Variants in CAST observed in about 807,000 individuals in gnomAD.
CAST encodes the protein calpastatin.
In CAST, 76 loss-of-function variants were observed where a neutral mutation model predicts 119.6. The ratio of observed to expected loss-of-function variants is 0.64; its 90% confidence interval spans 0.53 to 0.77. The LOEUF (loss-of-function observed/expected upper bound fraction) is 0.77. CAST is among the 30% of genes least tolerant of loss of function. The pLI, the probability that CAST is intolerant of heterozygous loss-of-function variation, is 0.00. For synonymous variants in CAST, 319 were observed against 331.6 expected (o/e 0.96, Z 0.41); for missense variants, 953 against 946.5 (o/e 1.01, Z -0.09).
intron 1 of CAST, among the ~76,000 whole-genome samples, chr5:96,609,308 A>T (rs1747317604): frequency 6.6e-6 from 1 of 152,236 alleles, no homozygotes; most frequent in African/African-American, 2.4e-5. Flanking sequence ...TTCCAGAAGC[A>T]TCTTTGCTTT....
chr5:96,172,889 A>G, the CAST span, among the ~76,000 whole-genome samples: 2 of 152,212 alleles, frequency 1.3e-5, no homozygotes, highest in East Asian at 3.9e-4. Context: ...CACAGATACC[A>G]TAACTTCCAC....
chr5:96,387,187 C>T, the CAST span, among the ~76,000 whole-genome samples: 934 of 152,258 alleles, frequency 6.1e-3, 15 homozygotes, highest in African/African-American at 0.021. Flanking sequence ...AGAGTGCACA[C>T]CTCTAGCCTT....
chr5:96,728,420 TA>T (rs1759689593), intron 6 of CAST: 1 of 151,954 alleles, frequency 6.6e-6, no homozygotes, highest in Non-Finnish European at 1.5e-5. Flanking sequence ...TTTCTGGTGG[TA>T]AGATCTTCTC....
At chr5:96,646,416 A>G (rs1748014711) in intron 1 of CAST, among the ~76,000 whole-genome samples, 3 of 152,250 alleles carry the variant, frequency 2.0e-5, no homozygotes, top group Admixed American at 6.5e-5. Context: ...AAGCAATTAC[A>G]TAAGATGTTA....
At chr5:96,081,199 C>A in the CAST span, among the ~76,000 whole-genome samples, 1 of 152,176 alleles carries the variant, frequency 6.6e-6, no homozygotes, top group Non-Finnish European at 1.5e-5. Flanking sequence ...CTGCCTTGTC[C>A]TTTCCCCTAG....
At position 96,765,437 on chromosome 5, in the gene CAST, A is replaced by C. The variant is rs934622383; in HGVS notation, c.2037+112A>C. Reference sequence around the variant, plus strand: ...TTGATGTGAACTTAACCTATATTTTAAACATGAAATTATAATGAAATAGAA... The same window carrying C: ...TTGATGTGAACTTAACCTATATTTTCAACATGAAATTATAATGAAATAGAA... On this transcript the variant is annotated intron_variant, in intron 26 of 31. Coordinates refer to ENST00000675179, the MANE Select transcript of CAST (RefSeq NM_001750.7). 4.9e-6 allele frequency: 3 copies of C among 610,770 alleles called. No individual in the cohort carries two copies. In the African/African-American group the frequency reaches 5.7e-5, roughly 12 times the overall value. 37.8% of individuals were successfully genotyped at this position (610,770 alleles called of 1,614,324 possible).
the CAST span, among the ~76,000 whole-genome samples, chr5:96,397,974 A>G: frequency 2.0e-5 from 3 of 152,044 alleles, no homozygotes; most frequent in Non-Finnish European, 4.4e-5. Flanking sequence ...TTAATTTCTT[A>G]AAGATATATT....
At chr5:96,364,739 G>T in the CAST span, among the ~76,000 whole-genome samples, 1 of 152,096 alleles carries the variant, frequency 6.6e-6, no homozygotes, top group East Asian at 1.9e-4. Flanking sequence ...TCTTGCTGCA[G>T]GTCTATCAAT....
the CAST span, among the ~76,000 whole-genome samples, chr5:96,201,370 C>T: frequency 6.6e-6 from 1 of 152,170 alleles, no homozygotes; most frequent in African/African-American, 2.4e-5. Context: ...AAATAGTTAT[C>T]CTGGGATCCT....
the CAST span, among the ~76,000 whole-genome samples, chr5:96,515,862 A>G: frequency 6.6e-6 from 1 of 152,058 alleles, no homozygotes; most frequent in Admixed American, 6.5e-5. Context: ...GATCAAAACA[A>G]GAGTCCAAAG....
the CAST span, among the ~76,000 whole-genome samples, chr5:96,017,115 C>T: frequency 6.6e-6 from 1 of 152,112 alleles, no homozygotes; most frequent in Admixed American, 6.5e-5. Flanking sequence ...GGATTACAGG[C>T]GTGAGCCACC....
chr5:96,361,285 G>A, the CAST span, among the ~76,000 whole-genome samples: 8 of 152,266 alleles, frequency 5.3e-5, no homozygotes, highest in Admixed American at 1.3e-4. Context: ...GGTGGGGTCC[G>A]CTGAACTAGA....
chr5:96,686,066 A>G (rs1007698162), intron 2 of CAST, among the ~76,000 whole-genome samples: 1 of 152,074 alleles, frequency 6.6e-6, no homozygotes, highest in Non-Finnish European at 1.5e-5. Context: ...GCAGTTTCAG[A>G]GTCAGTGGAC....
chr5:96,309,120 C>G, the CAST span, among the ~76,000 whole-genome samples: 1 of 152,242 alleles, frequency 6.6e-6, no homozygotes, highest in Non-Finnish European at 1.5e-5. Context: ...AAGTCCCTGA[C>G]TGGGGCTGCT....
chr5:96,008,925 G>A, the CAST span, among the ~76,000 whole-genome samples: 1 of 152,156 alleles, frequency 6.6e-6, no homozygotes, highest in African/African-American at 2.4e-5. Context: ...CATCATCCAG[G>A]TAGTGAGCAT....
intron 1 of CAST, among the ~76,000 whole-genome samples, chr5:96,591,405 C>A (rs1746959187): frequency 6.6e-6 from 1 of 152,030 alleles, no homozygotes; most frequent in South Asian, 2.1e-4. Context: ...TGTATAGTTA[C>A]AATGATCTGA....
intron 1 of CAST, among the ~76,000 whole-genome samples, chr5:96,563,034 C>T (rs1746407992): frequency 6.6e-6 from 1 of 152,146 alleles, no homozygotes; most frequent in South Asian, 2.1e-4. Context: ...GAGAGGTGCC[C>T]TCCCTATACC....
At chr5:96,531,398 A>G (rs1411226465) in intron 1 of CAST, among the ~76,000 whole-genome samples, 1 of 152,152 alleles carries the variant, frequency 6.6e-6, no homozygotes, top group Non-Finnish European at 1.5e-5. Context: ...GTATACCACC[A>G]CACTCACCCC....
At chr5:96,737,785 A>T in intron 10 of CAST, 64 bp from the exon 11 acceptor site, 1 of 892,266 alleles carries the variant, frequency 1.1e-6, no homozygotes, top group Non-Finnish European at 1.7e-6. Context: ...CTTTTTTTGT[A>T]GTTAAACTAA....
Sources: gnomAD v4.1 joint callset for allele counts (sites outside exome capture counted in the v4.1 genomes callset) on GRCh38, gnomAD v4.1.1 for gene constraint, MANE v1.5 for transcripts, NCBI Gene and HGNC (gene_info 2026-07-23, HGNC 2026-07-21) for gene names.